Variants in GBP5 observed in about 807,000 individuals in gnomAD.
GBP5 encodes the protein guanylate binding protein 5, also known as guanylate-binding protein 5.
A neutral mutation model predicts 58.2 loss-of-function variants in GBP5; 48 were observed. That is an observed-to-expected ratio of 0.83 (90% CI 0.65 to 1.05). The LOEUF is 1.05. Ranked by LOEUF, GBP5 falls within the 50% of genes least tolerant of loss-of-function variation. The pLI, the probability that GBP5 is intolerant of heterozygous loss-of-function variation, is 0.00. For missense variants in GBP5, 714 were observed against 686.8 expected (o/e 1.04, Z -0.44); for synonymous variants, 248 against 251.8 (o/e 0.98, Z 0.14).
intron 6 of GBP5, 65 bp from the exon 7 acceptor site, chr1:89,266,653 G>T: frequency 7.3e-7 from 1 of 1,376,836 alleles, no homozygotes; most frequent in Non-Finnish European, 1.0e-6. Context: ...TATTTACCTT[G>T]AATAAATGTC....
In GBP5 at chr1:89,269,562, G is replaced by C; in HGVS notation, c.-7C>G. 2 of 1,605,202 alleles carry C rather than the reference G, an allele frequency of 1.2e-6. No individual in the cohort carries two copies. Among genetic ancestry groups the C allele is most frequent in the Non-Finnish European group, 1.7e-6 (2 of 1,172,614 alleles). On this transcript the variant is annotated 5_prime_UTR_variant, in exon 3 of 12. In the 5' UTR this introduces an upstream ATG that the reference lacks. Coordinates refer to ENST00000370459, the MANE Select transcript of GBP5 (RefSeq NM_052942.5). Reference sequence around the variant, plus strand: ...TGTGGATCTCTAAAGCCATGTCTAGGATGTTACTTTGCCTGCAAGGGAACA... The same window carrying C: ...TGTGGATCTCTAAAGCCATGTCTAGCATGTTACTTTGCCTGCAAGGGAACA...
intron 8 of GBP5, 55 bp from the exon 9 acceptor site, chr1:89,264,003 G>A: frequency 1.3e-5 from 13 of 1,035,740 alleles, no homozygotes; most frequent in South Asian, 4.2e-5. Flanking sequence ...CAGTATTTCT[G>A]GAAATAATTC....
At chr1:89,267,344 C>T in intron 5 of GBP5, 73 bp downstream of exon 5, 1 of 1,161,482 alleles carries the variant, frequency 8.6e-7, no homozygotes, top group East Asian at 2.4e-5. Context: ...TTCACAAGGT[C>T]TCACAGACAT....
intron 11 of GBP5, among the ~76,000 whole-genome samples, chr1:89,261,121 TACAC>T (rs906304208): frequency 6.6e-6 from 1 of 152,150 alleles, no homozygotes; most frequent in African/African-American, 2.4e-5. Flanking sequence ...TCAATTCTCA[TACAC>T]ACACAGGAGA....
In GBP5 at chr1:89,258,000, G is replaced by T. The variant is rs1467873210; in HGVS notation, c.*2704C>A. 1.3e-5 allele frequency among the ~76,000 whole-genome samples: 2 copies of T among 152,176 alleles called. No homozygotes were observed. Among genetic ancestry groups the T allele is most frequent in the Non-Finnish European group, 2.9e-5 (2 of 68,024 alleles). ...CACAACAGTAAGACAAAGAAAGTCA[G>T]AAAATATAAGCTACTTACTGGTAGT... On this transcript the variant is annotated 3_prime_UTR_variant, in exon 12 of 12. Transcript: ENST00000370459.
intron 11 of GBP5, 46 bp downstream of exon 11, chr1:89,262,174 C>T: frequency 6.3e-7 from 1 of 1,578,290 alleles, no homozygotes; most frequent in Non-Finnish European, 8.7e-7. Flanking sequence ...CTGCTACATA[C>T]TCTCATCGTT....
Position 89,269,648 on chromosome 1 carries a change from C to A in GBP5, c.-19-74G>T, listed in dbSNP as rs770598574. 2.2e-4 allele frequency: 231 copies of A among 1,045,144 alleles called. 1 individual carries two copies. The highest frequency in any genetic ancestry group is 3.1e-4 in the Non-Finnish European group (212 of 694,120). 64.7% of individuals were successfully genotyped at this position (1,045,144 alleles called of 1,614,324 possible). The stretch of plus-strand genomic sequence containing the variant: ...TAAGCAAAGGAAGTCATTTTGCTTA[C>A]TGAACCTGGGGACATACTACTCCCC... On this transcript the variant is annotated intron_variant, in intron 2 of 11. Transcript: ENST00000370459.
At chr1:89,262,509 T>C (rs1650048846) in intron 10 of GBP5, 108 bp from the exon 11 acceptor site, 1 of 1,100,552 alleles carries the variant, frequency 9.1e-7, no homozygotes, top group South Asian at 1.5e-5. Flanking sequence ...CCAGGGGTTG[T>C]TTTTCCCTTC....
Position 89,261,428 on chromosome 1 carries a change from T to C in GBP5, c.1648-611A>G, listed in dbSNP as rs376607525. Among the ~76,000 whole-genome samples, 9 of 152,268 alleles carry C rather than the reference T, an allele frequency of 5.9e-5. 1 individual carries two copies. The highest frequency in any genetic ancestry group is 5.8e-4 in the East Asian group (3 of 5,184). The stretch of plus-strand genomic sequence containing the variant: ...CATTTGTCTCATTAGGGTGCTGACA[T>C]AGGAATTTTACACCAGGTCTGAAGA... On this transcript the variant is annotated intron_variant, in intron 11 of 11. Transcript: ENST00000370459.
chr1:89,260,318 G>A lies in GBP5; in HGVS notation c.*386C>T, dbSNP rs1649957629. ...CGGGTTCCTAAGAGGCCACAGATCA[G>A]AGCTAGTCTATGGCCTGAGGGTTGG... is the stretch of plus-strand genomic sequence containing the variant. On this transcript the variant is annotated 3_prime_UTR_variant, in exon 12 of 12. Coordinates refer to ENST00000370459, the MANE Select transcript of GBP5 (RefSeq NM_052942.5). The A allele has an allele frequency of 2.3e-5, 4 of 172,228 alleles. No individual in the cohort carries two copies. Among genetic ancestry groups the A allele is most frequent in the Admixed American group, 1.2e-4 (2 of 17,050 alleles). 10.7% of individuals were successfully genotyped at this position (172,228 alleles called of 1,614,324 possible).
chr1:89,266,514 A>G lies in GBP5; in HGVS notation c.700T>C (p.Phe234Leu), dbSNP rs1465315581. Reference protein sequence around the residue: ...IQKFFPKKKCFIFDLPAHQKK... With the variant: ...IQKFFPKKKCLIFDLPAHQKK... ...TGGTGAGCAGGTAAGTCAAAGATAA[A>G]GCATTTCTTTTTTGGAAAGAACTTC... The change falls in exon 7 of 12, where the codon TTT becomes CTT. Residue 234 changes from phenylalanine to leucine, a missense_variant. Physicochemically the swap from Phe to Leu is conservative, Grantham distance 22 (BLOSUM62 0). Coordinates refer to ENST00000370459, the MANE Select transcript of GBP5 (RefSeq NM_052942.5). The G allele has an allele frequency of 1.2e-6, 2 of 1,614,018 alleles. No homozygotes were observed. Among genetic ancestry groups the G allele is most frequent in the Admixed American group, 3.3e-5 (2 of 60,008 alleles).
chr1:89,272,350 C>G (rs569529326), intron 1 of GBP5, 102 bp downstream of exon 1: 1 of 152,376 alleles, frequency 6.6e-6, no homozygotes, highest in East Asian at 1.9e-4. Context: ...TTACTGAGGT[C>G]TGATATACCA....
In GBP5 at chr1:89,262,371, G is replaced by A. The variant is rs373613494; in HGVS notation, c.1496C>T (p.Ala499Val). 2.2e-5 allele frequency: 35 copies of A among 1,613,822 alleles called. No homozygotes were observed. In the African/African-American group the frequency reaches 3.9e-4, roughly 18 times the overall value. The stretch of plus-strand genomic sequence containing the variant: ...AATCGCCGCCAACCTTTGCGCTTCA[G>A]CCTTTTCAGCTTCTGCTTTCACTTG... ...EAQVKAEAEK[A>V]EAQRLAAIQR... Residue 499 changes from alanine to valine, a missense_variant, in exon 11 of 12, where the codon GCT becomes GTT. Physicochemically the swap from Ala to Val is moderately conservative, Grantham distance 64 (BLOSUM62 0). Transcript: ENST00000370459.
chr1:89,270,639 G>A (rs1418368144), intron 2 of GBP5, 116 bp downstream of exon 2: 1 of 152,194 alleles, frequency 6.6e-6, no homozygotes, highest in Non-Finnish European at 1.5e-5. Context: ...GGACATGGGA[G>A]TCAGGAAATG....
intron 10 of GBP5, 95 bp from the exon 11 acceptor site, chr1:89,262,496 T>C (rs913863980): frequency 1.7e-6 from 2 of 1,189,438 alleles, no homozygotes; most frequent in African/African-American, 1.5e-5. Flanking sequence ...CTGGATAAAA[T>C]TCCCAGGGGT....
At position 89,267,147 on chromosome 1, in the gene GBP5, C is replaced by G. The variant is rs772321661; in HGVS notation, c.435G>C (p.Val145=). Residue 145 remains valine (V), a synonymous_variant, in exon 6 of 12, where the codon GTG becomes GTC. Transcript: ENST00000370459. The part of the protein sequence containing the change: ...DQGAIDLLHN[V]TELTDLLKAR... The stretch of plus-strand genomic sequence containing the variant: ...CCTTGAGCAGATCTGTCAGTTCTGT[C>G]ACATTGCTGAGATGCAATTAAAGAA... 1.3e-6 allele frequency: 2 copies of G among 1,585,472 alleles called. No homozygotes were observed. The highest frequency in any genetic ancestry group is 2.2e-5 in the East Asian group (1 of 44,536).
intron 3 of GBP5, 59 bp downstream of exon 3, chr1:89,269,307 G>T: frequency 6.6e-7 from 1 of 1,519,742 alleles, no homozygotes; most frequent in Non-Finnish European, 9.1e-7. Flanking sequence ...TCCTCGTACT[G>T]GATGGTGACT....
At chr1:89,262,129 A>C in intron 11 of GBP5, 91 bp downstream of exon 11, 1 of 1,258,398 alleles carries the variant, frequency 7.9e-7, no homozygotes, top group Non-Finnish European at 1.1e-6. Flanking sequence ...CCCTGCTGAG[A>C]GCCACAAGAT....
intron 3 of GBP5, 41 bp from the exon 4 acceptor site, chr1:89,268,897 T>C (rs1002253344): frequency 6.9e-6 from 11 of 1,598,676 alleles, no homozygotes; most frequent in Non-Finnish European, 9.4e-6. Flanking sequence ...AGAGAAACTC[T>C]GGAAATTGGG....
Sources: gnomAD v4.1 joint callset for allele counts (sites outside exome capture counted in the v4.1 genomes callset) on GRCh38, gnomAD v4.1.1 for gene constraint, MANE v1.5 for transcripts, NCBI Gene and HGNC (gene_info 2026-07-23, HGNC 2026-07-21) for gene names.